The following EYS variants were observed in gnomAD, a reference collection of about 807,000 sequenced individuals.
EYS encodes protein eyes shut homolog.
A neutral mutation model predicts 282.1 loss-of-function variants in EYS; 250 were observed. The ratio of observed to expected loss-of-function variants is 0.89; its 90% CI spans 0.80 to 0.98. The LOEUF (loss-of-function observed/expected upper bound fraction) is 0.98. Ranked by LOEUF, EYS falls within the 50% of genes least tolerant of loss-of-function variation. The pLI, the probability that EYS is intolerant of heterozygous loss-of-function variation, is 0.00. For synonymous variants in EYS, 1,355 were observed against 1,282.9 expected (o/e 1.06, Z -1.20); for missense variants, 4,016 against 3,709.0 (o/e 1.08, Z -2.15).
chr6:63,778,005 C>A lies in EYS; in HGVS notation c.7898+1G>T, dbSNP rs1206861190. The stretch of plus-strand genomic sequence containing the variant: ...TTCATTCCTAATAACGTCATACTTA[C>A]TAAACACTAGTTCCACTCTCTATGC... On this transcript the variant is annotated splice_donor_variant, in intron 40 of 42. Coordinates refer to ENST00000503581, the MANE Select transcript of EYS (RefSeq NM_001142800.2). LOFTEE classifies it high-confidence loss of function. 2 of 1,551,520 alleles carry A rather than the reference C, an allele frequency of 1.3e-6. No homozygotes were observed. The highest frequency in any genetic ancestry group is 1.7e-6 in the Non-Finnish European group (2 of 1,146,814).
chr6:64,510,379 GT>G (rs1242180178), intron 26 of EYS, among the ~76,000 whole-genome samples: 1 of 151,448 alleles, frequency 6.6e-6, no homozygotes, highest in East Asian at 1.9e-4. Flanking sequence ...ATCGCACATT[GT>G]TTTTTTAATG....
intron 4 of EYS, chr6:65,491,596 GTAATGAAAATATAAA>G (rs767807935): frequency 1.9e-5 from 8 of 422,788 alleles, no homozygotes; most frequent in Non-Finnish European, 2.3e-5. Context: ...AACCCTAAAT[GTAATGAAAATATAAA>G]TAATGAAAAT....
intron 29 of EYS, among the ~76,000 whole-genome samples, chr6:64,371,177 C>T (rs2150413787): frequency 6.6e-6 from 1 of 152,186 alleles, no homozygotes; most frequent in Middle Eastern, 3.4e-3. Flanking sequence ...CCTTGGAACA[C>T]TGCTTTGGCT....
chr6:64,665,185 C>G (rs187324895), intron 22 of EYS, among the ~76,000 whole-genome samples: 2 of 152,202 alleles, frequency 1.3e-5, no homozygotes, highest in Admixed American at 6.5e-5. Flanking sequence ...TTATAAAATA[C>G]TGCATGTGAG....
At chr6:64,772,392 A>G (rs1351353444) in intron 22 of EYS, among the ~76,000 whole-genome samples, 1 of 151,756 alleles carries the variant, frequency 6.6e-6, no homozygotes, top group East Asian at 1.9e-4. Context: ...TAGTTTTTGT[A>G]TACATTTATG....
At chr6:64,829,127 A>C (rs1765142548) in intron 19 of EYS, among the ~76,000 whole-genome samples, 1 of 151,952 alleles carries the variant, frequency 6.6e-6, no homozygotes, top group Non-Finnish European at 1.5e-5. Flanking sequence ...GGGAAATATG[A>C]GAAAGAAGCA....
rs79669002 is a variant in EYS, at chr6:65,120,757, A to G, written c.2024-63030T>C. Among the ~76,000 whole-genome samples the G allele has an allele frequency of 7.3e-3, 1,118 of 152,210 alleles. 16 individuals are homozygous for G. The highest frequency in any genetic ancestry group is 0.026 in the African/African-American group (1,060 of 41,534). ...TTTGCTCAATTTTAGCCTCTCGTTC[A>G]CAGACTTTTCTTCCCCATCTCCTTT... On this transcript the variant is annotated intron_variant, in intron 12 of 42. Transcript: ENST00000503581.
At chr6:65,548,804 A>G (rs1056583229) in intron 2 of EYS, among the ~76,000 whole-genome samples, 2 of 152,210 alleles carry the variant, frequency 1.3e-5, no homozygotes, top group Admixed American at 6.5e-5. Context: ...ATACACAGAC[A>G]ATTCAACTCA....
intron 2 of EYS, among the ~76,000 whole-genome samples, chr6:65,513,882 A>G (rs539145568): frequency 6.6e-6 from 1 of 152,208 alleles, no homozygotes; most frequent in Non-Finnish European, 1.5e-5. Context: ...AACTGGCACA[A>G]GACAGGGCTG....
chr6:65,030,324 C>T (rs1772557573), intron 13 of EYS, among the ~76,000 whole-genome samples: 1 of 152,070 alleles, frequency 6.6e-6, no homozygotes, highest in Non-Finnish European at 1.5e-5. Context: ...CCTTTGTTGA[C>T]AGACCCTCCC....
chr6:65,393,415 A>C (rs1394106218), intron 7 of EYS, among the ~76,000 whole-genome samples: 2 of 152,196 alleles, frequency 1.3e-5, no homozygotes, highest in Non-Finnish European at 2.9e-5. Flanking sequence ...CCAAAAGATT[A>C]AGCTTTCCTG....
chr6:64,062,381 G>T (rs2149852486), intron 33 of EYS, among the ~76,000 whole-genome samples: 1 of 152,150 alleles, frequency 6.6e-6, no homozygotes, highest in Non-Finnish European at 1.5e-5. Context: ...TATCTTACTG[G>T]CCTAAACTTT....
intron 2 of EYS, among the ~76,000 whole-genome samples, chr6:65,597,627 A>T (rs1765455007): frequency 1.3e-5 from 2 of 152,148 alleles, no homozygotes; most frequent in African/African-American, 4.8e-5. Context: ...ATGCAAGGTC[A>T]CTTCAGAAGT....
intron 22 of EYS, among the ~76,000 whole-genome samples, chr6:64,725,013 C>A (rs1771707057): frequency 6.6e-6 from 1 of 151,582 alleles, no homozygotes; most frequent in Admixed American, 6.6e-5. Context: ...CCAAAATACA[C>A]CAAAAATGTA....
intron 11 of EYS, among the ~76,000 whole-genome samples, chr6:65,316,879 C>G (rs1769309323): frequency 1.3e-5 from 2 of 152,258 alleles, no homozygotes; most frequent in South Asian, 4.1e-4. Context: ...CAGTCTATCA[C>G]TGATGGGCAC....
chr6:65,514,919 CA>C (rs1455535449), intron 2 of EYS, among the ~76,000 whole-genome samples: 6 of 152,090 alleles, frequency 3.9e-5, no homozygotes, highest in African/African-American at 1.2e-4. Flanking sequence ...GCAATGGCAA[CA>C]AAAGCCAAAA....
chr6:65,158,253 TA>T (rs1374999366), intron 12 of EYS, among the ~76,000 whole-genome samples: 13 of 150,886 alleles, frequency 8.6e-5, no homozygotes, highest in Non-Finnish European at 1.3e-4. Context: ...GAAGAAGAAA[TA>T]TTATAAGGAA....
intron 16 of EYS, among the ~76,000 whole-genome samples, chr6:64,909,091 C>T (rs1767915036): frequency 6.6e-6 from 1 of 152,136 alleles, no homozygotes; most frequent in South Asian, 2.1e-4. Flanking sequence ...GGTTAATTAA[C>T]TGGTATGTCT....
intron 22 of EYS, among the ~76,000 whole-genome samples, chr6:64,647,579 T>C (rs1444312408): frequency 6.6e-6 from 1 of 152,194 alleles, no homozygotes. Flanking sequence ...ATACCAATGA[T>C]TATCACTTTG....
Sources: gnomAD v4.1 joint callset for allele counts (sites outside exome capture counted in the v4.1 genomes callset) on GRCh38, gnomAD v4.1.1 for gene constraint, MANE v1.5 for transcripts, NCBI Gene and HGNC (gene_info 2026-07-23, HGNC 2026-07-21) for gene names.